COL6A6: variants seen among roughly 807,000 people sequenced by gnomAD.
The protein encoded by COL6A6 is collagen type VI alpha 6 chain, also known as collagen alpha-6(VI) chain.
COL6A6 carries 183 observed loss-of-function variants against 208.6 expected under a neutral mutation model. The observed-to-expected ratio is 0.88, with a 90% confidence interval of 0.78 to 0.99. The LOEUF (loss-of-function observed/expected upper bound fraction) is 0.99. Among genes scored for constraint, COL6A6 ranks in the 50% least tolerant of loss-of-function variants. COL6A6 has a pLI of 0.00. For missense variants in COL6A6, 2,816 were observed against 2,815.2 expected (o/e 1.00, Z -0.01); for synonymous variants, 973 against 1,011.8 (o/e 0.96, Z 0.73).
At chr3:130,673,058 A>G (rs1315179078) in intron 36 of COL6A6, among the ~76,000 whole-genome samples, 1 of 150,364 alleles carries the variant, frequency 6.7e-6, no homozygotes, top group Non-Finnish European at 1.5e-5. Flanking sequence ...GGGTGCCTGT[A>G]ATCCCAGCTA....
chr3:130,531,053 CACACACAG>C lies in COL6A6; in HGVS notation c.-32+13657_-32+13664del, dbSNP rs1236729278. 8.5e-3 allele frequency among the ~76,000 whole-genome samples: 750 copies of C among 88,716 alleles called. 11 individuals carry two copies. The highest frequency in any genetic ancestry group is 0.028 in the African/African-American group (666 of 24,052). The allele number at this position is 88,716 out of a possible 152,430, so 58.2% of individuals were successfully genotyped here. On this transcript the variant is annotated intron_variant, in intron 1 of 36. Transcript: ENST00000358511. ...ACACACACACAGACACACACACACACACACACAGTCTCTCTCTCTCTCTCTCTCTCTCT... is the reference window on the plus strand; with the variant it reads ...ACACACACACAGACACACACACACACTCTCTCTCTCTCTCTCTCTCTCTCT...
chr3:130,556,589 C>T (rs114061127), intron 1 of COL6A6, among the ~76,000 whole-genome samples: 1,593 of 152,108 alleles, frequency 0.01, 26 homozygotes, highest in African/African-American at 0.037. Flanking sequence ...ATTGATCAGT[C>T]TGTTCTGAGA....
chr3:130,611,914 T>C (rs1266603477), intron 23 of COL6A6, among the ~76,000 whole-genome samples: 1 of 152,186 alleles, frequency 6.6e-6, no homozygotes, highest in Non-Finnish European at 1.5e-5. Context: ...TAAATAAGTA[T>C]TTTTTTCCGA....
Position 130,642,862 on chromosome 3 carries a change from T to C in COL6A6, c.5185T>C (p.Phe1729Leu). 1 of 1,613,982 alleles carries C rather than the reference T, an allele frequency of 6.2e-7. No individual in the cohort carries two copies. The highest frequency in any genetic ancestry group is 1.1e-5 in the South Asian group (1 of 91,086). Reference protein sequence around the residue: ...GVKGAKGLASFSTCELIQYVR... With the variant: ...GVKGAKGLASLSTCELIQYVR... ...GAAAGGAGCCAAAGGCTTGGCTTCA[T>C]TTTCTGTACGTATCTCCCGACTACA... The change falls in exon 30 of 37, where the codon TTT becomes CTT. Residue 1729 changes from phenylalanine to leucine, a missense_variant. Physicochemically the swap from Phe to Leu is conservative, Grantham distance 22. Coordinates refer to ENST00000358511, the MANE Select transcript of COL6A6 (RefSeq NM_001102608.3).
intron 34 of COL6A6, 61 bp from the exon 35 acceptor site, chr3:130,661,576 G>T: frequency 7.5e-7 from 1 of 1,339,658 alleles, no homozygotes. Context: ...CAAAATATTT[G>T]ACATGCTATC....
chr3:130,559,847 C>A (rs1401474652), intron 1 of COL6A6, among the ~76,000 whole-genome samples: 1 of 152,050 alleles, frequency 6.6e-6, no homozygotes, highest in Non-Finnish European at 1.5e-5. Context: ...GCTACTGTTT[C>A]AGTTAGGGAG....
chr3:130,654,543 C>A (rs2065735364), intron 33 of COL6A6, among the ~76,000 whole-genome samples: 1 of 152,188 alleles, frequency 6.6e-6, no homozygotes, highest in Non-Finnish European at 1.5e-5. Flanking sequence ...ATCACAAAAA[C>A]CAATTTAAGC....
intron 33 of COL6A6, among the ~76,000 whole-genome samples, chr3:130,651,891 C>A (rs1373436166): frequency 6.6e-6 from 1 of 152,190 alleles, no homozygotes; most frequent in African/African-American, 2.4e-5. Context: ...GTGTTTTAAA[C>A]TTTTGAGTGT....
At chr3:130,540,289 C>T (rs1467325089) in intron 1 of COL6A6, among the ~76,000 whole-genome samples, 3 of 152,166 alleles carry the variant, frequency 2.0e-5, no homozygotes, top group Non-Finnish European at 4.4e-5. Flanking sequence ...TTATCAATAT[C>T]CTCTATCAGC....
Position 130,574,131 on chromosome 3 carries a change from G to A in COL6A6, c.3153G>A (p.Glu1051=). The A allele has an allele frequency of 6.2e-7, 1 of 1,613,978 alleles. No individual in the cohort carries two copies. The highest frequency in any genetic ancestry group is 8.5e-7 in the Non-Finnish European group (1 of 1,179,902). The change falls in exon 8 of 37, where the codon GAG becomes GAA. Residue 1051 remains glutamate, a synonymous_variant. Coordinates refer to ENST00000358511, the MANE Select transcript of COL6A6 (RefSeq NM_001102608.3). ...AGTTTAGCGATACCTATCACCCGGA[G>A]TTTCCACTGGGAACTTTCATAGGTG... ...AAQFSDTYHP[E]FPLGTFIGEK... is the part of the protein sequence containing the mutation.
rs1478025831 is a variant in COL6A6, at chr3:130,591,562, T to C, written c.4272+468T>C. 3.9e-5 allele frequency among the ~76,000 whole-genome samples: 6 copies of C among 152,244 alleles called. No individual in the cohort carries two copies. The South Asian group carries it at 8.3e-4, about 21-fold the overall frequency. On this transcript the variant is annotated intron_variant, in intron 13 of 36. Transcript: ENST00000358511. ...AAGACCTCACACTTTAACATACTCA[T>C]TCATTGGTTCATTCAACAAATATAT... is the stretch of plus-strand genomic sequence containing the variant.
chr3:130,604,323 C>G (rs1254717399), intron 20 of COL6A6, among the ~76,000 whole-genome samples: 2 of 151,928 alleles, frequency 1.3e-5, no homozygotes, highest in African/African-American at 4.8e-5. Context: ...GAAACCCCGT[C>G]TCTACTAAAA....
At chr3:130,622,023 G>A in intron 24 of COL6A6, 140 bp downstream of exon 24, 1 of 673,244 alleles carries the variant, frequency 1.5e-6, no homozygotes, top group South Asian at 1.9e-5. Context: ...TTCTTAGAGA[G>A]CCAACAACCT....
rs766329094 is a variant in COL6A6 at position 130,565,284 on chromosome 3, G to A, written c.952G>A (p.Glu318Lys). The A allele has an allele frequency of 1.2e-6, 2 of 1,613,910 alleles. No individual in the cohort carries two copies. The highest frequency in any genetic ancestry group is 4.5e-5 in the East Asian group (2 of 44,894). ...TGAAIKKLRKEVFSARNGSRK... is the reference protein window; with the variant it reads ...TGAAIKKLRKKVFSARNGSRK... Reference sequence around the variant, plus strand: ...AGCTGCCATCAAAAAGCTCAGGAAGGAAGTTTTTAGTGCACGGAATGGCAG... The same window carrying A: ...AGCTGCCATCAAAAAGCTCAGGAAGAAAGTTTTTAGTGCACGGAATGGCAG... The change falls in exon 4 of 37, where the codon GAA becomes AAA. Residue 318 changes from glutamate (E) to lysine (K), a missense_variant. Physicochemically the swap from Glu to Lys is moderately conservative, Grantham distance 56 (BLOSUM62 1). Transcript: ENST00000358511.
rs111488612 is a variant in COL6A6, at chr3:130,522,847, C to T, written c.-32+5450C>T. ...TCTCTACAAACTTCTCTCCATTCTC[C>T]TTGTCATCACTGCATTTCCAAAACA... is the stretch of plus-strand genomic sequence containing the variant. On this transcript the variant is annotated intron_variant, in intron 1 of 36. Coordinates refer to ENST00000358511, the MANE Select transcript of COL6A6 (RefSeq NM_001102608.3). Among the ~76,000 whole-genome samples the T allele has an allele frequency of 1.3e-3, 196 of 151,900 alleles. 1 individual carries two copies. The highest frequency in any genetic ancestry group is 1.4e-3 in the Non-Finnish European group (96 of 67,964).
intron 33 of COL6A6, among the ~76,000 whole-genome samples, chr3:130,653,944 G>A (rs757449073): frequency 3.3e-5 from 5 of 152,172 alleles, no homozygotes; most frequent in Non-Finnish European, 7.3e-5. Flanking sequence ...GTGTTGATAC[G>A]TGATTAAATG....
intron 1 of COL6A6, among the ~76,000 whole-genome samples, chr3:130,539,027 A>G (rs2062290990): frequency 6.6e-6 from 1 of 152,236 alleles, no homozygotes; most frequent in Non-Finnish European, 1.5e-5. Flanking sequence ...CCCTGTCCAC[A>G]CAGCCATTCA....
chr3:130,581,476 C>A, intron 8 of COL6A6, 85 bp from the exon 9 acceptor site: 2 of 948,242 alleles, frequency 2.1e-6, no homozygotes, highest in Non-Finnish European at 3.2e-6. Context: ...AATAGAATTC[C>A]AAGTCCCTTG....
At chr3:130,554,892 C>T (rs944711803) in intron 1 of COL6A6, among the ~76,000 whole-genome samples, 2 of 152,072 alleles carry the variant, frequency 1.3e-5, no homozygotes, top group African/African-American at 2.4e-5. Context: ...CAGGCACAGT[C>T]GGCCAGCATA....
Sources: gnomAD v4.1 joint callset for allele counts (sites outside exome capture counted in the v4.1 genomes callset) on GRCh38, gnomAD v4.1.1 for gene constraint, MANE v1.5 for transcripts, NCBI Gene and HGNC (gene_info 2026-07-23, HGNC 2026-07-21) for gene names.